The following TEKT2 variants were observed in gnomAD, a reference collection of about 807,000 sequenced individuals.
TEKT2 encodes tektin-2.
Under a neutral mutation model 49.8 loss-of-function variants are expected in TEKT2, and 45 were observed. That is an observed-to-expected ratio of 0.90 (90% CI 0.71 to 1.16). The LOEUF (loss-of-function observed/expected upper bound fraction) is 1.16. Ranked by LOEUF, TEKT2 falls within the 50% of genes most tolerant of loss-of-function variation. TEKT2 has a pLI of 0.00. For synonymous variants in TEKT2, 202 were observed against 224.6 expected, an observed-to-expected ratio of 0.90 and a Z score of 0.90; for missense variants, 523 against 551.4, an observed-to-expected ratio of 0.95 and a Z score of 0.52.
intron 4 of TEKT2, 104 bp downstream of exon 4, chr1:36,086,145 C>T (rs1212640890): frequency 2.2e-6 from 3 of 1,361,508 alleles, no homozygotes; most frequent in Non-Finnish European, 3.1e-6. Context: ...GGCTCTCGTG[C>T]TACATTTTGG....
At chr1:36,085,687 T>C (rs1238717807) in intron 3 of TEKT2, 149 bp from the exon 4 acceptor site, 1 of 803,390 alleles carries the variant, frequency 1.2e-6, no homozygotes, top group Non-Finnish European at 2.1e-6. Context: ...TCCCAGCTAA[T>C]TTTTGTATTT....
chr1:36,087,248 C>T lies in TEKT2; in HGVS notation c.792C>T (p.Ala264=). The T allele has an allele frequency of 2.5e-6, 4 of 1,614,144 alleles. No homozygotes were observed. The highest frequency in any genetic ancestry group is 3.4e-6 in the Non-Finnish European group (4 of 1,180,036). The change falls in exon 7 of 10, where the codon GCC becomes GCT. Residue 264 remains alanine (A), a synonymous_variant. Transcript: ENST00000207457. The surrounding 1 kb of genome is among the most constrained non-coding windows in gnomAD (Gnocchi z 4.9). The part of the protein sequence containing the change: ...LEAQRVATEF[A]FRKRLREMEK... ...CCCAGAGAGTTGCAACGGAATTTGCCTTCAGGAAGCGGCTGCGGGAGATGG... is the reference window on the plus strand; with the variant it reads ...CCCAGAGAGTTGCAACGGAATTTGCTTTCAGGAAGCGGCTGCGGGAGATGG...
Position 36,088,033 on chromosome 1 carries a change from G to A in TEKT2, c.1140G>A (p.Lys380=), listed in dbSNP as rs761138704. 3 of 1,612,656 alleles carry A rather than the reference G, an allele frequency of 1.9e-6. No homozygotes were observed. The South Asian group carries it at 3.3e-5, about 18-fold the overall frequency. ...LARLQADIAC[K]ANSMLLDTKC... ...GGCTGCAGGCTGACATTGCCTGCAAGGCCAACTCCATGCTGCTGGACACCA... is the reference window on the plus strand; with the variant it reads ...GGCTGCAGGCTGACATTGCCTGCAAAGCCAACTCCATGCTGCTGGACACCA... Residue 380 remains lysine (K), a synonymous_variant, in exon 10 of 10, where the codon AAG becomes AAA. Coordinates refer to ENST00000207457, the MANE Select transcript of TEKT2 (RefSeq NM_014466.3).
intron 3 of TEKT2, 64 bp from the exon 4 acceptor site, chr1:36,085,772 G>C: frequency 1.3e-6 from 2 of 1,523,520 alleles, no homozygotes; most frequent in Non-Finnish European, 9.0e-7. Flanking sequence ...CATCCAACTC[G>C]GCCTCCCGAA....
chr1:36,087,233 T>G lies in TEKT2; in HGVS notation c.777T>G (p.Val259=). The part of the protein sequence containing the change: ...ETNNELEAQR[V]ATEFAFRKRL... ...ACAACGAGCTTGAAGCCCAGAGAGTTGCAACGGAATTTGCCTTCAGGAAGC... is the reference window on the plus strand; with the variant it reads ...ACAACGAGCTTGAAGCCCAGAGAGTGGCAACGGAATTTGCCTTCAGGAAGC... The change falls in exon 7 of 10, where the codon GTT becomes GTG. Residue 259 remains valine (V), a synonymous_variant. Coordinates refer to ENST00000207457, the MANE Select transcript of TEKT2 (RefSeq NM_014466.3). This position sits in a 1 kb window ranked among gnomAD's most constrained non-coding sequence, Gnocchi z 4.9. The G allele has an allele frequency of 6.2e-7, 1 of 1,614,144 alleles. No individual in the cohort carries two copies. The highest frequency in any genetic ancestry group is 1.1e-5 in the South Asian group (1 of 91,086).
rs1441214475 is a variant in TEKT2, at chr1:36,087,116, G to T, written c.747+71G>T. ...GCCCTTATCTTCTGTTCCCTGCTGT[G>T]CATGTGGCCCCCTGCCCCTCGCTTG... On this transcript the variant is annotated intron_variant, in intron 6 of 9. Transcript: ENST00000207457. This position sits in a 1 kb window ranked among gnomAD's most constrained non-coding sequence, Gnocchi z 4.9. The T allele has an allele frequency of 3.1e-6, 5 of 1,604,738 alleles. No homozygotes were observed. The highest frequency in any genetic ancestry group is 4.3e-6 in the Non-Finnish European group (5 of 1,173,088).
At position 36,086,836 on chromosome 1, in the gene TEKT2, T is replaced by G; in HGVS notation, c.621T>G (p.Arg207=). ...TCTCGCTGAAGGTTGACCCCACACGTGTACCTGATGGGTAAGAAGAGTGTT... is the reference window on the plus strand; with the variant it reads ...TCTCGCTGAAGGTTGACCCCACACGGGTACCTGATGGGTAAGAAGAGTGTT... ...PNISLKVDPT[R]VPDGSTTLQQ... is the part of the protein sequence containing the mutation. The change falls in exon 5 of 10, where the codon CGT becomes CGG. Residue 207 remains arginine, a synonymous_variant. Coordinates refer to ENST00000207457, the MANE Select transcript of TEKT2 (RefSeq NM_014466.3). The G allele has an allele frequency of 6.2e-7, 1 of 1,614,142 alleles. No individual in the cohort carries two copies. The highest frequency in any genetic ancestry group is 8.5e-7 in the Non-Finnish European group (1 of 1,180,016).
Position 36,088,041 on chromosome 1 carries a change from C to G in TEKT2, c.1148C>G (p.Ser383Cys), listed in dbSNP as rs778403264. The G allele has an allele frequency of 9.3e-6, 15 of 1,612,856 alleles. No homozygotes were observed. Among genetic ancestry groups the G allele is most frequent in the Non-Finnish European group, 1.3e-5 (15 of 1,179,816 alleles). Residue 383 changes from serine (S) to cysteine (C), a missense_variant, in exon 10 of 10, where the codon TCC becomes TGC. Ser to Cys is a moderately radical substitution (Grantham distance 112). Coordinates refer to ENST00000207457, the MANE Select transcript of TEKT2 (RefSeq NM_014466.3). ...GCTGACATTGCCTGCAAGGCCAACT[C>G]CATGCTGCTGGACACCAAGTGCATG... is the stretch of plus-strand genomic sequence containing the variant. The part of the protein sequence containing the change: ...LQADIACKAN[S>C]MLLDTKCMDT...
rs1643331405 is a variant in TEKT2 at position 36,084,315 on chromosome 1, C to T, written c.-53+166C>T. 6.2e-6 allele frequency: 1 copy of T among 162,430 alleles called. No homozygotes were observed. Among genetic ancestry groups the T allele is most frequent in the Admixed American group, 5.8e-5 (1 of 17,316 alleles). 10.1% of individuals were successfully genotyped at this position (162,430 alleles called of 1,614,324 possible). A position where few individuals can be genotyped will look rare whatever the true frequency, so the allele number is the denominator to read the frequency against. Reference sequence around the variant, plus strand: ...GCTCTCCCTGTCCGGCCTTCCCCTCCAACAGTAGGCGAGGGCGGAGGGGCG... The same window carrying T: ...GCTCTCCCTGTCCGGCCTTCCCCTCTAACAGTAGGCGAGGGCGGAGGGGCG... On this transcript the variant is annotated intron_variant, in intron 1 of 9. Coordinates refer to ENST00000207457, the MANE Select transcript of TEKT2 (RefSeq NM_014466.3). This position sits in a 1 kb window ranked among gnomAD's most constrained non-coding sequence, Gnocchi z 4.1.
chr1:36,086,139 C>G (rs908906537), intron 4 of TEKT2, 98 bp downstream of exon 4: 1 of 1,392,858 alleles, frequency 7.2e-7, no homozygotes, highest in Non-Finnish European at 9.9e-7. Flanking sequence ...GCAACTGGCT[C>G]TCGTGCTACA....
chr1:36,085,762 C>A, intron 3 of TEKT2, 74 bp from the exon 4 acceptor site: 3 of 1,457,604 alleles, frequency 2.1e-6, no homozygotes, highest in Non-Finnish European at 2.8e-6. Context: ...TCAAGTGTTC[C>A]ATCCAACTCG....
chr1:36,087,509 T>C lies in TEKT2; in HGVS notation c.926T>C (p.Leu309Pro). ...HLEEDLRTKL[L>P]SLKLSHTRLE... is the part of the protein sequence containing the mutation. ...GAGGAGGATCTGCGCACAAAGCTCC[T>C]GAGCCTGAAGCTGTCCCATACCCGG... is the stretch of plus-strand genomic sequence containing the variant. Residue 309 changes from leucine (L) to proline (P), a missense_variant, in exon 8 of 10, where the codon CTG becomes CCG. Leu to Pro is a moderately conservative substitution (Grantham distance 98, BLOSUM62 -3). Transcript: ENST00000207457. The surrounding 1 kb of genome is among the most constrained non-coding windows in gnomAD (Gnocchi z 4.9). The C allele has an allele frequency of 6.2e-7, 1 of 1,613,842 alleles. No homozygotes were observed. Among genetic ancestry groups the C allele is most frequent in the Non-Finnish European group, 8.5e-7 (1 of 1,180,020 alleles).
In TEKT2 at chr1:36,087,907, G is replaced by A. The variant is rs763779541; in HGVS notation, c.1080-66G>A. 5.6e-5 allele frequency: 89 copies of A among 1,590,422 alleles called. No individual in the cohort carries two copies. The highest frequency in any genetic ancestry group is 5.0e-4 in the Middle Eastern group (3 of 5,970). On this transcript the variant is annotated intron_variant, in intron 9 of 9. Transcript: ENST00000207457. This position sits in a 1 kb window ranked among gnomAD's most constrained non-coding sequence, Gnocchi z 4.9. ...CCTGGGGCTGTCTTCCTGACTGAAG[G>A]CTATGCACGCAGCCCAGGCCTCCCA...
chr1:36,085,796 A>G, intron 3 of TEKT2, 40 bp from the exon 4 acceptor site: 1 of 1,592,638 alleles, frequency 6.3e-7, no homozygotes. Flanking sequence ...CTGGGATTAC[A>G]GATGTGAGCC....
Position 36,084,436 on chromosome 1 carries a change from C to G in TEKT2, c.-53+287C>G. ...CAGGCACGCGTCCCTGGAGACAGAA[C>G]AGGGCTCCTGCCCTTAGATCCCCCA... is the stretch of plus-strand genomic sequence containing the variant. On this transcript the variant is annotated intron_variant, in intron 1 of 9. Coordinates refer to ENST00000207457, the MANE Select transcript of TEKT2 (RefSeq NM_014466.3). This position sits in a 1 kb window ranked among gnomAD's most constrained non-coding sequence, Gnocchi z 4.1. 4.7e-6 allele frequency: 1 copy of G among 211,464 alleles called. No individual in the cohort carries two copies. Among genetic ancestry groups the G allele is most frequent in the Non-Finnish European group, 9.7e-6 (1 of 102,742 alleles). The allele number at this position is 211,464 out of a possible 1,614,324, so 13.1% of individuals were successfully genotyped here.
chr1:36,087,527 A>G lies in TEKT2; in HGVS notation c.944A>G (p.His315Arg), dbSNP rs531720049. The change falls in exon 8 of 10, where the codon CAT (histidine) becomes CGT (arginine). Residue 315 changes from histidine (H) to arginine (R), a missense_variant. Physicochemically the swap from His to Arg is conservative, Grantham distance 29. Coordinates refer to ENST00000207457, the MANE Select transcript of TEKT2 (RefSeq NM_014466.3). This position sits in a 1 kb window ranked among gnomAD's most constrained non-coding sequence, Gnocchi z 4.9. ...RTKLLSLKLS[H>R]TRLEARTYRP... ...AAGCTCCTGAGCCTGAAGCTGTCCC[A>G]TACCCGGCTAGAGGCCAGAACCTAC... is the stretch of plus-strand genomic sequence containing the variant. The G allele has an allele frequency of 5.0e-6, 8 of 1,613,886 alleles. No individual in the cohort carries two copies. In the African/African-American group the frequency reaches 1.1e-4, roughly 22 times the overall value.
chr1:36,086,625 C>T (rs1643378478), intron 4 of TEKT2, 79 bp from the exon 5 acceptor site: 5 of 1,600,928 alleles, frequency 3.1e-6, no homozygotes, highest in Non-Finnish European at 4.3e-6. Flanking sequence ...CCTCCTCTTC[C>T]TGTGGTGTCC....
chr1:36,085,916 A>T lies in TEKT2; in HGVS notation c.363A>T (p.Glu121Asp). ...CCATTGAGTGCCTGACCCTGCGGGA[A>T]AGCCGGCGAGACATTGATGTGGTGA... is the stretch of plus-strand genomic sequence containing the variant. ...DVAIECLTLR[E>D]SRRDIDVVKD... The change falls in exon 4 of 10, where the codon GAA (glutamate) becomes GAT (aspartate). Residue 121 changes from glutamate to aspartate, a missense_variant. Glu to Asp is a conservative substitution (Grantham distance 45, BLOSUM62 2). Coordinates refer to ENST00000207457, the MANE Select transcript of TEKT2 (RefSeq NM_014466.3). 1.2e-6 allele frequency: 2 copies of T among 1,614,062 alleles called. No homozygotes were observed. Among genetic ancestry groups the T allele is most frequent in the Non-Finnish European group, 1.7e-6 (2 of 1,179,990 alleles).
intron 4 of TEKT2, 72 bp downstream of exon 4, chr1:36,086,113 G>T (rs1338573557): frequency 6.6e-7 from 1 of 1,507,668 alleles, no homozygotes; most frequent in African/African-American, 1.4e-5. Flanking sequence ...TGGAACACAG[G>T]TATTGTGGAT....
Sources: gnomAD v4.1 joint callset for allele counts on GRCh38, gnomAD v4.1.1 for gene constraint, Gnocchi (gnomAD v3.1) non-coding constraint, MANE v1.5 for transcripts, NCBI Gene and HGNC (gene_info 2026-07-23, HGNC 2026-07-21) for gene names.